Variants in NEK3 observed in about 807,000 individuals in gnomAD.
NEK3 encodes the protein serine/threonine-protein kinase Nek3.
Under a neutral mutation model 66.0 loss-of-function variants are expected in NEK3, and 54 were observed. The observed-to-expected ratio is 0.82, with a 90% CI of 0.66 to 1.03. The LOEUF is 1.03. Ranked by LOEUF, NEK3 falls within the 50% of genes least tolerant of loss-of-function variation. NEK3 has a pLI of 0.00. For missense variants in NEK3, 593 were observed against 603.0 expected (o/e 0.98, Z 0.17); for synonymous variants, 200 against 206.2 (o/e 0.97, Z 0.26).
chr13:52,159,816 T>G (rs1021129228), upstream of NEK3: 1 of 152,232 alleles, frequency 6.6e-6, no homozygotes, highest in African/African-American at 2.4e-5. Context: ...TAGATAAATT[T>G]CACGGGCACA....
In NEK3 at chr13:52,136,919, C is replaced by A; in HGVS notation, c.928-17G>T. ...TTCCTCTTGCTTTAAAAGAGATTAA[C>A]AATACAGATTAAATAATGCTTGAAT... On this transcript the variant is annotated splice_polypyrimidine_tract_variant and intron_variant, in intron 11 of 15. Coordinates refer to ENST00000610828, the MANE Select transcript of NEK3 (RefSeq NM_002498.3). 1 of 1,484,834 alleles carries A rather than the reference C, an allele frequency of 6.7e-7. No individual in the cohort carries two copies. The highest frequency in any genetic ancestry group is 1.3e-5 in the South Asian group (1 of 75,222). The allele number at this position is 1,484,834 out of a possible 1,614,324, so 92.0% of individuals were successfully genotyped here.
Position 52,133,038 on chromosome 13 carries a change from T to C in NEK3, c.*104A>G. On this transcript the variant is annotated 3_prime_UTR_variant, in exon 16 of 16. Coordinates refer to ENST00000610828, the MANE Select transcript of NEK3 (RefSeq NM_002498.3). ...ATTAAGAGTTTCCTCTGCTTCATTC[T>C]GTTTCCAAAGGAAAATATACGTCGC... 1.1e-6 allele frequency: 1 copy of C among 915,864 alleles called. No homozygotes were observed. The allele number at this position is 915,864 out of a possible 1,614,324, so 56.7% of individuals were successfully genotyped here.
At chr13:52,133,387 CTTCT>C (rs2138185410) in intron 15 of NEK3, among the ~76,000 whole-genome samples, 161 bp from the exon 16 acceptor site, 1 of 152,248 alleles carries the variant, frequency 6.6e-6, no homozygotes, top group African/African-American at 2.4e-5. Context: ...CAAAAGATCA[CTTCT>C]TTGACTGTTT....
In NEK3 at chr13:52,135,768, G is replaced by C; in HGVS notation, c.1270C>G (p.Leu424Val). 1 of 1,613,626 alleles carries C rather than the reference G, an allele frequency of 6.2e-7. No homozygotes were observed. The highest frequency in any genetic ancestry group is 8.5e-7 in the Non-Finnish European group (1 of 1,179,660). Residue 424 changes from leucine to valine, a missense_variant, in exon 14 of 16, where the codon CTC becomes GTC. By Grantham distance (32) the Leu-to-Val change is conservative. Coordinates refer to ENST00000610828, the MANE Select transcript of NEK3 (RefSeq NM_002498.3). ...TLLNILKNAD[L>V]SLAFQTYTIY... ...GTGTATGTTTGAAAAGCCAAGCTGA[G>C]ATCAGCATTCTTAAGGATGTTCAAC...
At chr13:52,138,083 C>T (rs1241278706) in intron 11 of NEK3, among the ~76,000 whole-genome samples, 1 of 152,034 alleles carries the variant, frequency 6.6e-6, no homozygotes, top group Non-Finnish European at 1.5e-5. Context: ...TGCAGAGGTG[C>T]GATCATAGCT....
intron 11 of NEK3, 144 bp downstream of exon 11, chr13:52,140,876 C>T (rs376596603): frequency 1.1e-4 from 54 of 506,208 alleles, no homozygotes; most frequent in African/African-American, 5.8e-4. Context: ...AGTGCAATGG[C>T]GCAATCTAGG....
chr13:52,134,738 T>A (rs1270887646), intron 14 of NEK3, among the ~76,000 whole-genome samples: 1 of 152,184 alleles, frequency 6.6e-6, no homozygotes, highest in Non-Finnish European at 1.5e-5. Flanking sequence ...AAATTGAAAT[T>A]CATAACCGTT....
At chr13:52,141,917 TAAA>T (rs368362666) in intron 10 of NEK3, among the ~76,000 whole-genome samples, 6 of 112,724 alleles carry the variant, frequency 5.3e-5, no homozygotes, top group Non-Finnish European at 3.8e-5. Flanking sequence ...CTGTCTCTAC[TAAA>T]AAAAAAAAAA....
chr13:52,154,149 T>C lies in NEK3; in HGVS notation c.142A>G (p.Arg48Gly), dbSNP rs1285796838. 6.2e-7 allele frequency: 1 copy of C among 1,609,118 alleles called. No individual in the cohort carries two copies. Among genetic ancestry groups the C allele is most frequent in the East Asian group, 2.2e-5 (1 of 44,730 alleles). The change falls in exon 3 of 16, where the codon AGG becomes GGG. Residue 48 changes from arginine to glycine, a missense_variant. Coordinates refer to ENST00000610828, the MANE Select transcript of NEK3 (RefSeq NM_002498.3). The part of the protein sequence containing the change: ...PKSFSNTQNS[R>G]KEAVLLAKMK... ...TTGGCTAAAAGAACAGCCTCCTTCCTAGAATTCTGTGTATTAGAGAAAGAC... is the reference window on the plus strand; with the variant it reads ...TTGGCTAAAAGAACAGCCTCCTTCCCAGAATTCTGTGTATTAGAGAAAGAC...
chr13:52,144,176 A>C (rs937236393), intron 9 of NEK3, among the ~76,000 whole-genome samples, 189 bp from the exon 10 acceptor site: 1 of 152,182 alleles, frequency 6.6e-6, no homozygotes, highest in Non-Finnish European at 1.5e-5. Context: ...CACTTTGGGA[A>C]GCCGAGACAG....
At chr13:52,136,016 G>A (rs543543487) in intron 13 of NEK3, 100 bp downstream of exon 13, 25 of 1,513,862 alleles carry the variant, frequency 1.7e-5, no homozygotes, top group South Asian at 9.8e-5. Context: ...GATGTGTGAC[G>A]CCAAATACCC....
upstream of NEK3, chr13:52,159,772 T>C (rs1198335674): frequency 6.6e-6 from 1 of 152,280 alleles, no homozygotes; most frequent in Non-Finnish European, 1.5e-5. Context: ...CCCGACTAAC[T>C]GAGTTCTGTC....
At position 52,155,983 on chromosome 13, in the gene NEK3, C is replaced by T. The variant is rs561295413; in HGVS notation, c.117+92G>A. On this transcript the variant is annotated intron_variant, in intron 2 of 15. Transcript: ENST00000610828. Reference sequence around the variant, plus strand: ...TCCACCTCCCAAAGTGCTGGGATTACAGGTGTGAGCCACTGTGCCTGGCCA... The same window carrying T: ...TCCACCTCCCAAAGTGCTGGGATTATAGGTGTGAGCCACTGTGCCTGGCCA... The T allele has an allele frequency of 2.1e-4, 147 of 713,396 alleles. 2 individuals are homozygous for T. Among genetic ancestry groups the T allele is most frequent in the South Asian group, 1.8e-3 (98 of 53,582 alleles). The allele number at this position is 713,396 out of a possible 1,614,324, so 44.2% of individuals were successfully genotyped here. A position where few individuals can be genotyped will look rare whatever the true frequency, so the allele number is the denominator to read the frequency against.
chr13:52,141,573 C>T (rs1260636821), intron 10 of NEK3, among the ~76,000 whole-genome samples: 1 of 152,082 alleles, frequency 6.6e-6, no homozygotes, highest in Admixed American at 6.5e-5. Context: ...GGTTCATGTC[C>T]CTTATTCATT....
intron 1 of NEK3, chr13:52,159,277 C>G (rs1222878113): frequency 6.6e-6 from 1 of 152,130 alleles, no homozygotes; most frequent in Non-Finnish European, 1.5e-5. Flanking sequence ...CGCGGGGGAG[C>G]CCAGTCGCCC....
chr13:52,134,678 C>G (rs888709032), intron 14 of NEK3, among the ~76,000 whole-genome samples: 5 of 152,156 alleles, frequency 3.3e-5, no homozygotes, highest in Admixed American at 1.3e-4. Flanking sequence ...CCTAAAATGA[C>G]AAAGACTTCA....
At chr13:52,150,301 A>T (rs1956332172) in intron 7 of NEK3, among the ~76,000 whole-genome samples, 1 of 152,224 alleles carries the variant, frequency 6.6e-6, no homozygotes, top group Admixed American at 6.5e-5. Context: ...ATATAAGGCC[A>T]ACAACAGAGG....
chr13:52,133,269 C>A, intron 15 of NEK3, 43 bp from the exon 16 acceptor site: 1 of 1,444,718 alleles, frequency 6.9e-7, no homozygotes, highest in South Asian at 1.2e-5. Flanking sequence ...ACATTAGGGG[C>A]ACAGTATCTG....
At chr13:52,158,463 G>A (rs1956413950) in intron 1 of NEK3, among the ~76,000 whole-genome samples, 1 of 152,110 alleles carries the variant, frequency 6.6e-6, no homozygotes, top group Non-Finnish European at 1.5e-5. Flanking sequence ...CTAACACCTG[G>A]TATTACACGG....
Sources: allele counts gnomAD v4.1 joint callset (sites outside exome capture counted in the v4.1 genomes callset), GRCh38; gene constraint gnomAD v4.1.1; transcripts MANE v1.5; gene names NCBI Gene and HGNC (gene_info 2026-07-23, HGNC 2026-07-21).